The following CDYL2 variants were observed in gnomAD, a reference collection of about 807,000 sequenced individuals.
The protein encoded by CDYL2 is chromodomain Y-like protein 2.
In CDYL2, 23 loss-of-function variants were observed where a neutral mutation model predicts 49.4. The observed-to-expected ratio is 0.47, with a 90% CI of 0.34 to 0.66. The LOEUF (loss-of-function observed/expected upper bound fraction) is 0.66. Ranked by LOEUF, CDYL2 falls within the 30% of genes least tolerant of loss-of-function variation. The pLI, the probability that CDYL2 is intolerant of heterozygous loss-of-function variation, is 0.01. For synonymous variants in CDYL2, 360 were observed against 268.8 expected, an observed-to-expected ratio of 1.34 and a Z score of -3.32; for missense variants, 678 against 656.4, an observed-to-expected ratio of 1.03 and a Z score of -0.36.
At chr16:80,706,812 C>T (rs1240182390) in intron 1 of CDYL2, among the ~76,000 whole-genome samples, 1 of 152,170 alleles carries the variant, frequency 6.6e-6, no homozygotes, top group Non-Finnish European at 1.5e-5. Flanking sequence ...GGAAAATCTT[C>T]ATCACGGGAA....
At chr16:80,663,368 A>C (rs1445353349) in intron 2 of CDYL2, among the ~76,000 whole-genome samples, 3 of 152,022 alleles carry the variant, frequency 2.0e-5, no homozygotes, top group South Asian at 4.2e-4. Context: ...CCATGTACAG[A>C]ATCCTTGCTC....
At chr16:80,714,176 G>A (rs761206331) in intron 1 of CDYL2, among the ~76,000 whole-genome samples, 9 of 152,064 alleles carry the variant, frequency 5.9e-5, no homozygotes, top group Admixed American at 3.3e-4. Context: ...CCAGTCTCAC[G>A]ACCCAGACCC....
At chr16:80,666,786 G>A (rs557038476) in intron 2 of CDYL2, among the ~76,000 whole-genome samples, 4 of 152,168 alleles carry the variant, frequency 2.6e-5, no homozygotes, top group African/African-American at 9.7e-5. Flanking sequence ...GGGTGGACCT[G>A]GCCTCAGGAC....
intron 1 of CDYL2, among the ~76,000 whole-genome samples, chr16:80,769,363 C>G (rs911177031): frequency 2.0e-5 from 3 of 152,210 alleles, no homozygotes; most frequent in Admixed American, 2.0e-4. Flanking sequence ...TGAGCACTCA[C>G]TATATGCAAG....
chr16:80,684,454 T>C, intron 2 of CDYL2, 84 bp downstream of exon 2: 1 of 1,251,620 alleles, frequency 8.0e-7, no homozygotes. Flanking sequence ...GAGGTGGGGG[T>C]CTTATGTATG....
At chr16:80,705,888 CTCT>C (rs1904387921) in intron 1 of CDYL2, among the ~76,000 whole-genome samples, 1 of 152,266 alleles carries the variant, frequency 6.6e-6, no homozygotes, top group African/African-American at 2.4e-5. Flanking sequence ...CATAGTTTAT[CTCT>C]TCTTTTTATC....
At chr16:80,767,167 T>A (rs1486535514) in intron 1 of CDYL2, among the ~76,000 whole-genome samples, 1 of 152,118 alleles carries the variant, frequency 6.6e-6, no homozygotes, top group Non-Finnish European at 1.5e-5. Context: ...GCCCTCCACA[T>A]ACTAGAACTT....
intron 1 of CDYL2, among the ~76,000 whole-genome samples, chr16:80,733,813 T>C (rs1905418503): frequency 6.6e-6 from 1 of 152,136 alleles, no homozygotes; most frequent in African/African-American, 2.4e-5. Context: ...CCCAACTCAT[T>C]TTCTGCCTTC....
chr16:80,721,019 C>A (rs1054438704), intron 1 of CDYL2, among the ~76,000 whole-genome samples: 4 of 152,036 alleles, frequency 2.6e-5, no homozygotes, highest in African/African-American at 9.7e-5. Flanking sequence ...CCTGGAGAGA[C>A]CCTAAGTGCA....
In CDYL2 at chr16:80,600,748, G is replaced by C. The variant is rs1380164154; in HGVS notation, c.*3640C>G. Reference sequence around the variant, plus strand: ...TGTTAAAAAATTTCCACAGAAACTAGATTGGAAAATTTAATGGATGTGACT... The same window carrying C: ...TGTTAAAAAATTTCCACAGAAACTACATTGGAAAATTTAATGGATGTGACT... On this transcript the variant is annotated 3_prime_UTR_variant, in exon 7 of 7. Coordinates refer to ENST00000570137, the MANE Select transcript of CDYL2 (RefSeq NM_152342.4). 6.6e-6 allele frequency: 1 copy of C among 151,856 alleles called. No homozygotes were observed. The highest frequency in any genetic ancestry group is 1.5e-5 in the Non-Finnish European group (1 of 67,990). 9.4% of individuals were successfully genotyped at this position (151,856 alleles called of 1,614,324 possible).
intron 1 of CDYL2, among the ~76,000 whole-genome samples, chr16:80,799,761 G>A (rs1169155941): frequency 6.6e-6 from 1 of 152,118 alleles, no homozygotes; most frequent in Non-Finnish European, 1.5e-5. Flanking sequence ...CTGCCCAGAG[G>A]GAATAATTTA....
chr16:80,705,927 A>G (rs1904389154), intron 1 of CDYL2, among the ~76,000 whole-genome samples: 1 of 152,368 alleles, frequency 6.6e-6, no homozygotes, highest in Non-Finnish European at 1.5e-5. Context: ...ATCTTTCTTC[A>G]AGTTATCCCA....
intron 1 of CDYL2, among the ~76,000 whole-genome samples, chr16:80,777,887 A>G (rs927263623): frequency 6.6e-5 from 10 of 152,062 alleles, no homozygotes; most frequent in Non-Finnish European, 1.5e-4. Context: ...ATTAGCACAT[A>G]CAAAAAAAGA....
chr16:80,796,723 T>A (rs1310531502), intron 1 of CDYL2, among the ~76,000 whole-genome samples: 1 of 152,184 alleles, frequency 6.6e-6, no homozygotes, highest in Non-Finnish European at 1.5e-5. Context: ...ATTCTCCCAC[T>A]TCACCCTGGA....
rs368213294 is a variant in CDYL2, at chr16:80,641,821, A to G, written c.617-8585T>C. Among the ~76,000 whole-genome samples, 11 of 151,952 alleles carry G rather than the reference A, an allele frequency of 7.2e-5. No homozygotes were observed. The South Asian group carries it at 2.1e-3, about 29-fold the overall frequency. On this transcript the variant is annotated intron_variant, in intron 2 of 6. Transcript: ENST00000570137. ...TAAATGACGAGTTAACGGGTGCAGC[A>G]CACCAACATGGCACATGTATACATA... is the stretch of plus-strand genomic sequence containing the variant.
At chr16:80,724,595 T>C (rs1458441545) in intron 1 of CDYL2, among the ~76,000 whole-genome samples, 1 of 152,238 alleles carries the variant, frequency 6.6e-6, no homozygotes, top group African/African-American at 2.4e-5. Context: ...TGGCATGAAC[T>C]ATATCAGTGT....
intron 1 of CDYL2, among the ~76,000 whole-genome samples, chr16:80,723,464 C>T (rs1421465920): frequency 6.6e-6 from 1 of 152,178 alleles, no homozygotes; most frequent in Non-Finnish European, 1.5e-5. Context: ...TTCTAAACTC[C>T]AGGTTCCCCA....
At chr16:80,677,920 T>C (rs1437860385) in intron 2 of CDYL2, among the ~76,000 whole-genome samples, 11 of 151,628 alleles carry the variant, frequency 7.3e-5, no homozygotes, top group Admixed American at 6.6e-4. Context: ...GAGATATAGA[T>C]CAATGGAACA....
At chr16:80,764,037 T>C (rs1906628658) in intron 1 of CDYL2, among the ~76,000 whole-genome samples, 1 of 151,934 alleles carries the variant, frequency 6.6e-6, no homozygotes, top group Admixed American at 6.6e-5. Context: ...AGGAATGAGA[T>C]TATAAATATC....
Sources: gnomAD v4.1 joint callset for allele counts (sites outside exome capture counted in the v4.1 genomes callset) on GRCh38, gnomAD v4.1.1 for gene constraint, MANE v1.5 for transcripts, NCBI Gene and HGNC (gene_info 2026-07-23, HGNC 2026-07-21) for gene names.